Variants in AKAP9 observed in about 807,000 individuals in gnomAD.
AKAP9 encodes the protein A-kinase anchor protein 9.
AKAP9 carries 311 observed loss-of-function variants against 488.5 expected under a neutral mutation model. That is an observed-to-expected ratio of 0.64 (90% CI 0.58 to 0.70). The LOEUF (loss-of-function observed/expected upper bound fraction) is 0.70, where lower values mean the gene tolerates loss of function less well. AKAP9 is among the 30% of genes least tolerant of loss of function. AKAP9 has a pLI of 0.00. For synonymous variants in AKAP9, 1,462 were observed against 1,483.5 expected (o/e 0.99, Z 0.33); for missense variants, 4,215 against 4,374.5 (o/e 0.96, Z 1.03).
intron 14 of AKAP9, among the ~76,000 whole-genome samples, chr7:92,027,736 T>C (rs1380834452): frequency 2.6e-5 from 4 of 152,086 alleles, no homozygotes; most frequent in Non-Finnish European, 5.9e-5. Flanking sequence ...CTGGCCGCTG[T>C]GCAATCTTCC....
chr7:92,080,930 T>C lies in AKAP9; in HGVS notation c.8019+778T>C, dbSNP rs576622157. On this transcript the variant is annotated intron_variant, in intron 31 of 49. Coordinates refer to ENST00000356239, the MANE Select transcript of AKAP9 (RefSeq NM_005751.5). Reference sequence around the variant, plus strand: ...CTAAGTTAGATTGTAGTTCCTTACATAGGAACTCAAGATACAGAGACAGCC... The same window carrying C: ...CTAAGTTAGATTGTAGTTCCTTACACAGGAACTCAAGATACAGAGACAGCC... 4.6e-5 allele frequency among the ~76,000 whole-genome samples: 7 copies of C among 152,248 alleles called. No homozygotes were observed. In the South Asian group the frequency reaches 6.2e-4, roughly 14 times the overall value.
chr7:92,017,168 G>C (rs1801630046), intron 12 of AKAP9, 66 bp downstream of exon 12: 5 of 1,239,462 alleles, frequency 4.0e-6, no homozygotes, highest in Non-Finnish European at 5.8e-6. Context: ...TTTGTAAGCT[G>C]CTTTTATCAA....
intron 1 of AKAP9, among the ~76,000 whole-genome samples, chr7:91,942,934 T>TA (rs935457877): frequency 9.2e-5 from 14 of 151,780 alleles, no homozygotes; most frequent in African/African-American, 3.4e-4. Context: ...CTATACAATA[T>TA]AAAAATGCTG....
At chr7:91,991,486 T>A (rs1797746136) in intron 3 of AKAP9, among the ~76,000 whole-genome samples, 1 of 151,402 alleles carries the variant, frequency 6.6e-6, no homozygotes, top group Non-Finnish European at 1.5e-5. Context: ...TTTTTTTTTT[T>A]TTTGAGACAG....
intron 3 of AKAP9, among the ~76,000 whole-genome samples, chr7:91,982,136 A>T (rs952988480): frequency 1.3e-5 from 2 of 151,618 alleles, no homozygotes; most frequent in Non-Finnish European, 2.9e-5. Context: ...TTTTAATTTA[A>T]TTTTTTTGTC....
chr7:92,104,384 G>A (rs1818179132), intron 46 of AKAP9, among the ~76,000 whole-genome samples: 1 of 151,824 alleles, frequency 6.6e-6, no homozygotes, highest in Non-Finnish European at 1.5e-5. Flanking sequence ...GTAGAGACTG[G>A]GTTTCACTGT....
chr7:92,107,430 T>C lies in AKAP9; in HGVS notation c.11546+8T>C, dbSNP rs771715960. 1 of 1,613,060 alleles carries C rather than the reference T, an allele frequency of 6.2e-7. No individual in the cohort carries two copies. Among genetic ancestry groups the C allele is most frequent in the Non-Finnish European group, 8.5e-7 (1 of 1,179,370 alleles). ...TTTACCATTTCAGAATAGGTAAGAATATGAGAAAACCTGCCTGGAATTGTT... is the reference window on the plus strand; with the variant it reads ...TTTACCATTTCAGAATAGGTAAGAACATGAGAAAACCTGCCTGGAATTGTT... On this transcript the variant is annotated splice_region_variant and intron_variant, in intron 48 of 49. Coordinates refer to ENST00000356239, the MANE Select transcript of AKAP9 (RefSeq NM_005751.5).
Position 92,001,574 on chromosome 7 carries a change from G to C in AKAP9, c.1657G>C (p.Glu553Gln). 6.2e-7 allele frequency: 1 copy of C among 1,613,820 alleles called. No individual in the cohort carries two copies. Among genetic ancestry groups the C allele is most frequent in the Non-Finnish European group, 8.5e-7 (1 of 1,179,808 alleles). ...TCAGAGAGCTAGACAGACAATAGCT[G>C]AACAAGAAAGTAAACTTAATGAAGC... ...QIQRARQTIA[E>Q]QESKLNEAHK... The change falls in exon 8 of 50, where the codon GAA (glutamate) becomes CAA (glutamine). Residue 553 changes from glutamate (E) to glutamine (Q), a missense_variant. Physicochemically the swap from Glu to Gln is conservative, Grantham distance 29. This residue lies in a region of AKAP9 where 2,361 missense variants were observed against 2,430.0 expected (regional missense o/e 0.97). Transcript: ENST00000356239.
chr7:92,036,393 C>T (rs116791650), intron 16 of AKAP9, among the ~76,000 whole-genome samples: 2,184 of 152,104 alleles, frequency 0.014, 43 homozygotes, highest in African/African-American at 0.05. Context: ...TAGCCTTGCA[C>T]TCCTGAGCTC....
At chr7:92,058,098 A>G in intron 22 of AKAP9, 3 of 517,300 alleles carry the variant, frequency 5.8e-6, no homozygotes, top group South Asian at 1.7e-5. Context: ...TTGATAAACT[A>G]AAAAGAACTT....
In AKAP9 at chr7:92,040,781, A is replaced by G. The variant is rs138765069; in HGVS notation, c.4800A>G (p.Glu1600=). ...MRQELVRQYQ[E]HQQATELLRQ... Reference sequence around the variant, plus strand: ...AGGAACTTGTACGACAATACCAAGAACATCAACAGGCAACGGAATTGTTAA... The same window carrying G: ...AGGAACTTGTACGACAATACCAAGAGCATCAACAGGCAACGGAATTGTTAA... Residue 1600 remains glutamate (E), a synonymous_variant, in exon 18 of 50, where the codon GAA becomes GAG. Coordinates refer to ENST00000356239, the MANE Select transcript of AKAP9 (RefSeq NM_005751.5). 88 of 1,613,922 alleles carry G rather than the reference A, an allele frequency of 5.5e-5. No homozygotes were observed. The highest frequency in any genetic ancestry group is 7.1e-5 in the Non-Finnish European group (84 of 1,180,000).
rs1402356971 is a variant in AKAP9, at chr7:92,101,042, C to T, written c.11083C>T (p.His3695Tyr). The T allele has an allele frequency of 3.1e-6, 5 of 1,613,438 alleles. No homozygotes were observed. The highest frequency in any genetic ancestry group is 4.2e-6 in the Non-Finnish European group (5 of 1,179,960). Residue 3695 changes from histidine (H) to tyrosine (Y), a missense_variant, in exon 45 of 50, where the codon CAT becomes TAT. Physicochemically the swap from His to Tyr is moderately conservative, Grantham distance 83 (BLOSUM62 2). Around this residue, in one of 5 missense-constraint regions of AKAP9, gnomAD observed 253 missense variants for 266.8 expected, o/e 0.95. Coordinates refer to ENST00000356239, the MANE Select transcript of AKAP9 (RefSeq NM_005751.5). ...LLQTLSPDSEHVTLKRIYGKY... is the reference protein window; with the variant it reads ...LLQTLSPDSEYVTLKRIYGKY... ...TCAAACTCTGAGCCCTGATTCTGAA[C>T]ATGTCACTTTAAAGGTAGGAGACAT...
rs1790935103 is a variant in AKAP9 at position 91,942,750 on chromosome 7, T to C, written c.48+1603T>C. On this transcript the variant is annotated intron_variant, in intron 1 of 49. Coordinates refer to ENST00000356239, the MANE Select transcript of AKAP9 (RefSeq NM_005751.5). ...TTGTAGTTGATGTGGCAAAATACAA[T>C]TCTAGTTTCTTTGTGTGTTTCTTTA... 2.6e-5 allele frequency among the ~76,000 whole-genome samples: 4 copies of C among 152,224 alleles called. No individual in the cohort carries two copies. The South Asian group carries it at 8.3e-4, about 31-fold the overall frequency.
chr7:91,988,293 C>A (rs1122308), intron 3 of AKAP9, among the ~76,000 whole-genome samples: 45,304 of 116,524 alleles, frequency 0.39, 9,330 homozygotes, highest in African/African-American at 0.49. Flanking sequence ...GCAAGACCCC[C>A]TCTCAAAAAA....
Position 91,941,138 on chromosome 7 carries a change from C to T in AKAP9, c.39C>T (p.Gly13=), listed in dbSNP as rs1376652098. 2 of 1,614,026 alleles carry T rather than the reference C, an allele frequency of 1.2e-6. No individual in the cohort carries two copies. Among genetic ancestry groups the T allele is most frequent in the Non-Finnish European group, 1.7e-6 (2 of 1,179,924 alleles). Residue 13 remains glycine, a synonymous_variant, in exon 1 of 50, where the codon GGC becomes GGT. Transcript: ENST00000356239. ...DEERQKKLEA[G]KAKLAQFRQR... ...AGAGACAGAAGAAGCTGGAGGCCGG[C>T]AAAGCCAAGGTAGGAGAGCCCGAGG...
intron 20 of AKAP9, chr7:92,043,418 C>A (rs1806439356): frequency 1.6e-5 from 12 of 751,916 alleles, no homozygotes; most frequent in Non-Finnish European, 1.9e-5. Context: ...AAAATAAACA[C>A]TTTGTTTATT....
chr7:91,964,361 A>G (rs573061904), intron 1 of AKAP9, among the ~76,000 whole-genome samples: 24 of 152,308 alleles, frequency 1.6e-4, no homozygotes, highest in Middle Eastern at 3.4e-3. Context: ...ATAATGGTTT[A>G]CATAAATATT....
At position 92,000,972 on chromosome 7, in the gene AKAP9, T is replaced by C. The variant is rs1799085485; in HGVS notation, c.1055T>C (p.Leu352Ser). Reference sequence around the variant, plus strand: ...AAAACTCTTGAGCTAAAGGATAAATTAACAACTGCTGATAAATTACTAGGA... The same window carrying C: ...AAAACTCTTGAGCTAAAGGATAAATCAACAACTGCTGATAAATTACTAGGA... ...EKKTLELKDK[L>S]TTADKLLGEL... Residue 352 changes from leucine (L) to serine (S), a missense_variant, in exon 8 of 50, where the codon TTA becomes TCA. Transcript: ENST00000356239. The C allele has an allele frequency of 1.3e-6, 2 of 1,533,728 alleles. No individual in the cohort carries two copies. The highest frequency in any genetic ancestry group is 8.8e-7 in the Non-Finnish European group (1 of 1,140,634).
chr7:91,941,517 G>C (rs946011159), intron 1 of AKAP9, among the ~76,000 whole-genome samples: 1 of 152,076 alleles, frequency 6.6e-6, no homozygotes, highest in Non-Finnish European at 1.5e-5. Flanking sequence ...GCTTTCCAGG[G>C]TGGGGATTTA....
Sources: allele counts gnomAD v4.1 joint callset (sites outside exome capture counted in the v4.1 genomes callset), GRCh38; gene constraint gnomAD v4.1.1; regional missense constraint gnomAD v4.1.1; transcripts MANE v1.5; gene names NCBI Gene and HGNC (gene_info 2026-07-23, HGNC 2026-07-21).